Variants in C2CD3 observed in about 807,000 individuals in gnomAD.
C2CD3 encodes C2 domain-containing protein 3.
A neutral mutation model predicts 234.0 loss-of-function variants in C2CD3; 148 were observed. The observed-to-expected ratio is 0.63, with a 90% CI of 0.55 to 0.72. The LOEUF is 0.72. Ranked by LOEUF, C2CD3 falls within the 30% of genes least tolerant of loss-of-function variation. The pLI, the probability that C2CD3 is intolerant of heterozygous loss-of-function variation, is 0.00. For synonymous variants in C2CD3, 1,000 were observed against 1,035.4 expected, an observed-to-expected ratio of 0.97 and a Z score of 0.66; for missense variants, 2,577 against 2,811.5, an observed-to-expected ratio of 0.92 and a Z score of 1.89.
intron 26 of C2CD3, among the ~76,000 whole-genome samples, chr11:74,053,221 A>C (rs1247669964): frequency 6.6e-5 from 10 of 152,212 alleles, no homozygotes; most frequent in Non-Finnish European, 1.3e-4. Context: ...AATTAGACTA[A>C]TTTTATTTTT....
At position 74,113,895 on chromosome 11, in the gene C2CD3, A is replaced by G. The variant is rs762728911; in HGVS notation, c.1731-3T>C. On this transcript the variant is annotated splice_region_variant and splice_polypyrimidine_tract_variant and intron_variant, in intron 10 of 32. Coordinates refer to ENST00000334126, the MANE Select transcript of C2CD3 (RefSeq NM_001286577.2). Reference sequence around the variant, plus strand: ...AGTGATATTCTACAAAGAAAGTGCTAAAAAGAAAAAAAAAGTGATTAAAAA... The same window carrying G: ...AGTGATATTCTACAAAGAAAGTGCTGAAAAGAAAAAAAAAGTGATTAAAAA... 27 of 1,478,268 alleles carry G rather than the reference A, an allele frequency of 1.8e-5. No homozygotes were observed. Among genetic ancestry groups the G allele is most frequent in the Middle Eastern group, 1.8e-4 (1 of 5,696 alleles). The allele number at this position is 1,478,268 out of a possible 1,614,324, so 91.6% of individuals were successfully genotyped here. A position where few individuals can be genotyped will look rare whatever the true frequency, so the allele number is the denominator to read the frequency against.
At chr11:74,079,348 T>C (rs1955223398) in intron 22 of C2CD3, among the ~76,000 whole-genome samples, 1 of 152,134 alleles carries the variant, frequency 6.6e-6, no homozygotes, top group African/African-American at 2.4e-5. Context: ...ACTATATGCA[T>C]GTGCTACCAC....
At chr11:74,093,727 A>G in intron 18 of C2CD3, 89 bp downstream of exon 18, 1 of 1,016,850 alleles carries the variant, frequency 9.8e-7, no homozygotes, top group Non-Finnish European at 1.4e-6. Flanking sequence ...GCTTCCTTAC[A>G]ATAATTCAAC....
intron 24 of C2CD3, 100 bp from the exon 25 acceptor site, chr11:74,057,644 T>C: frequency 8.1e-7 from 1 of 1,232,672 alleles, no homozygotes; most frequent in Non-Finnish European, 1.2e-6. Context: ...CTTCTTCCTA[T>C]GGGGTCTTTG....
chr11:74,146,070 G>A (rs541700578), intron 3 of C2CD3, among the ~76,000 whole-genome samples: 6 of 152,132 alleles, frequency 3.9e-5, no homozygotes, highest in Non-Finnish European at 5.9e-5. Flanking sequence ...TGGGCCTGTA[G>A]AACAGACAAA....
chr11:74,122,800 C>T (rs1369012696), intron 8 of C2CD3, among the ~76,000 whole-genome samples, 188 bp downstream of exon 8: 1 of 152,066 alleles, frequency 6.6e-6, no homozygotes, highest in Non-Finnish European at 1.5e-5. Flanking sequence ...TGTTCTTGCA[C>T]AAAATATTCA....
intron 4 of C2CD3, 88 bp from the exon 5 acceptor site, chr11:74,139,055 G>T: frequency 8.5e-7 from 1 of 1,175,880 alleles, no homozygotes; most frequent in Non-Finnish European, 1.2e-6. Context: ...TAGACCAGTG[G>T]TTTTGGCAAG....
intron 3 of C2CD3, among the ~76,000 whole-genome samples, chr11:74,147,015 C>T (rs976659899): frequency 1.8e-4 from 27 of 151,782 alleles, no homozygotes; most frequent in South Asian, 6.2e-4. Flanking sequence ...CGTGCCACTG[C>T]GCTCCAGCCT....
At chr11:74,075,571 C>T (rs1467614736) in intron 23 of C2CD3, among the ~76,000 whole-genome samples, 1 of 152,118 alleles carries the variant, frequency 6.6e-6, no homozygotes, top group African/African-American at 2.4e-5. Flanking sequence ...ATTTATAAAA[C>T]AGAAGGAACT....
At chr11:74,049,299 A>G in intron 27 of C2CD3, 38 bp downstream of exon 27, 1 of 1,545,714 alleles carries the variant, frequency 6.5e-7, no homozygotes, top group South Asian at 1.1e-5. Context: ...AGGTCAGTAC[A>G]ATTCGTATTG....
intron 29 of C2CD3, among the ~76,000 whole-genome samples, chr11:74,040,561 C>A (rs1402495727): frequency 6.6e-6 from 1 of 151,802 alleles, no homozygotes; most frequent in Non-Finnish European, 1.5e-5. Context: ...TTGAGACCAG[C>A]CTGGCCAACA....
At chr11:74,108,777 T>G (rs1003504453) in intron 12 of C2CD3, among the ~76,000 whole-genome samples, 1 of 152,060 alleles carries the variant, frequency 6.6e-6, no homozygotes, top group Non-Finnish European at 1.5e-5. Context: ...ATAATGTACC[T>G]AATTCACAGA....
At chr11:74,116,975 C>CGTGTATATACACATATACGTGTATAT in intron 9 of C2CD3, among the ~76,000 whole-genome samples, 1 of 70,770 alleles carries the variant, frequency 1.4e-5, no homozygotes, top group Non-Finnish European at 3.8e-5. Flanking sequence ...CACATATACA[C>CGTGTATATACACATATACGTGTATAT]GTATATATAC....
At position 74,049,559 on chromosome 11, in the gene C2CD3, A is replaced by T; in HGVS notation, c.5156-17T>A. On this transcript the variant is annotated splice_polypyrimidine_tract_variant and intron_variant, in intron 26 of 32. Coordinates refer to ENST00000334126, the MANE Select transcript of C2CD3 (RefSeq NM_001286577.2). ...TCTCCTCATCTGTAGAGGAAAGAGA[A>T]GAGCTGGGCAATGTGGCTAGGCATG... The T allele has an allele frequency of 6.2e-7, 1 of 1,604,954 alleles. No homozygotes were observed. The highest frequency in any genetic ancestry group is 1.3e-5 in the African/African-American group (1 of 74,814).
chr11:74,161,926 C>G (rs1362867992), intron 2 of C2CD3, among the ~76,000 whole-genome samples: 1 of 151,706 alleles, frequency 6.6e-6, no homozygotes, highest in Non-Finnish European at 1.5e-5. Context: ...AGTGATTCTC[C>G]CATCCTAGCC....
At chr11:74,066,410 G>C (rs1283019449) in intron 24 of C2CD3, among the ~76,000 whole-genome samples, 3 of 150,314 alleles carry the variant, frequency 2.0e-5, no homozygotes, top group Non-Finnish European at 3.0e-5. Flanking sequence ...ATGTACCCTA[G>C]AACTTAAAGT....
At chr11:74,069,676 G>A (rs774912687) in intron 24 of C2CD3, among the ~76,000 whole-genome samples, 11 of 152,092 alleles carry the variant, frequency 7.2e-5, no homozygotes, top group Non-Finnish European at 1.3e-4. Context: ...GAAGAACCAC[G>A]GTTTCCTGAC....
At chr11:74,157,149 C>A (rs1294277323) in intron 3 of C2CD3, among the ~76,000 whole-genome samples, 2 of 152,164 alleles carry the variant, frequency 1.3e-5, no homozygotes, top group Non-Finnish European at 2.9e-5. Context: ...GTAATTTTAT[C>A]TTCTATGGAT....
intron 9 of C2CD3, among the ~76,000 whole-genome samples, chr11:74,116,620 T>C (rs1196112874): frequency 6.6e-6 from 1 of 151,870 alleles, no homozygotes; most frequent in Non-Finnish European, 1.5e-5. Context: ...CAATCCTACT[T>C]CTAGGTATCT....
Sources: gnomAD v4.1 joint callset for allele counts (sites outside exome capture counted in the v4.1 genomes callset) on GRCh38, gnomAD v4.1.1 for gene constraint, MANE v1.5 for transcripts, NCBI Gene and HGNC (gene_info 2026-07-23, HGNC 2026-07-21) for gene names.